ACKR2: variants seen among roughly 807,000 people sequenced by gnomAD.
ACKR2 encodes the protein C-C chemokine receptor D6.
For missense variants in ACKR2, 457 were observed against 477.3 expected (o/e 0.96, Z 0.40); for synonymous variants, 207 against 192.2 (o/e 1.08, Z -0.64).
At chr3:42,816,197 TG>T (rs1700747975) in intron 1 of ACKR2, among the ~76,000 whole-genome samples, 12 of 149,844 alleles carry the variant, frequency 8.0e-5, no homozygotes, top group Admixed American at 7.9e-4. Context: ...TTCGTGTGTG[TG>T]TGTGTGTGTG....
chr3:42,844,763 C>T (rs1452261111), intron 2 of ACKR2, among the ~76,000 whole-genome samples: 1 of 152,212 alleles, frequency 6.6e-6, no homozygotes, highest in Non-Finnish European at 1.5e-5. Flanking sequence ...TTGAGACCCC[C>T]ATTCTACAGG....
intron 2 of ACKR2, among the ~76,000 whole-genome samples, chr3:42,854,505 G>C (rs186280507): frequency 6.6e-6 from 1 of 152,096 alleles, no homozygotes; most frequent in Non-Finnish European, 1.5e-5. Context: ...GGAAGGGGTC[G>C]TCACTTCCAC....
intron 2 of ACKR2, chr3:42,851,237 A>G: frequency 2.8e-6 from 1 of 361,506 alleles, no homozygotes; most frequent in African/African-American, 2.2e-5. Context: ...GAAATAGCTC[A>G]TGGCTATGCA....
chr3:42,836,700 G>T (rs572851925), intron 2 of ACKR2, among the ~76,000 whole-genome samples: 3 of 152,172 alleles, frequency 2.0e-5, no homozygotes, highest in Admixed American at 6.5e-5. Flanking sequence ...AAAGCCCTGC[G>T]ACAGTTTTAG....
At chr3:42,842,286 C>T (rs1701046842) in intron 2 of ACKR2, among the ~76,000 whole-genome samples, 1 of 152,048 alleles carries the variant, frequency 6.6e-6, no homozygotes, top group South Asian at 2.1e-4. Flanking sequence ...TATTTGTTTG[C>T]CTTGGGAAAT....
At chr3:42,857,392 A>G (rs2088331975) in intron 2 of ACKR2, among the ~76,000 whole-genome samples, 1 of 152,050 alleles carries the variant, frequency 6.6e-6, no homozygotes, top group Non-Finnish European at 1.5e-5. Flanking sequence ...AGGAAAGAAG[A>G]AAGGGGCTGG....
chr3:42,824,630 A>G (rs4683338), intron 2 of ACKR2, among the ~76,000 whole-genome samples: 39,378 of 152,058 alleles, frequency 0.26, 6,312 homozygotes, highest in East Asian at 0.59. Context: ...ACATTGTATA[A>G]TGTTTTCAAG....
chr3:42,809,701 A>C (rs1261698828), intron 1 of ACKR2, among the ~76,000 whole-genome samples, 169 bp downstream of exon 1: 1 of 152,064 alleles, frequency 6.6e-6, no homozygotes, highest in Non-Finnish European at 1.5e-5. Flanking sequence ...ATCTCTACTA[A>C]AAATACAAAA....
chr3:42,809,501 G>A lies in ACKR2; in HGVS notation c.-150G>A, dbSNP rs1336596949. The A allele has an allele frequency of 6.6e-6, 1 of 152,176 alleles. No individual in the cohort carries two copies. The highest frequency in any genetic ancestry group is 1.9e-4 in the East Asian group (1 of 5,198). 9.4% of individuals were successfully genotyped at this position (152,176 alleles called of 1,614,324 possible). A position where few individuals can be genotyped will look rare whatever the true frequency, so the allele number is the denominator to read the frequency against. ...ACAGTACGGGATCCTTTCTGGAATG[G>A]AGGTCTTATGAGCTGCTATTGAACA... is the stretch of plus-strand genomic sequence containing the variant. On this transcript the variant is annotated 5_prime_UTR_variant, in exon 1 of 3. Coordinates refer to ENST00000422265, the MANE Select transcript of ACKR2 (RefSeq NM_001296.5).
chr3:42,816,513 G>T (rs1459347521), intron 1 of ACKR2, among the ~76,000 whole-genome samples: 6 of 151,518 alleles, frequency 4.0e-5, no homozygotes, highest in African/African-American at 9.7e-5. Flanking sequence ...TGACTTTTCC[G>T]CTGAGGAAAC....
At chr3:42,843,596 A>G (rs1193354645) in intron 2 of ACKR2, among the ~76,000 whole-genome samples, 1 of 152,192 alleles carries the variant, frequency 6.6e-6, no homozygotes, top group African/African-American at 2.4e-5. Context: ...CCTGCTGTCT[A>G]GCAGGGTGGT....
intron 2 of ACKR2, among the ~76,000 whole-genome samples, chr3:42,861,422 T>C (rs2088383152): frequency 6.6e-6 from 1 of 152,186 alleles, no homozygotes; most frequent in African/African-American, 2.4e-5. Context: ...ACAGCTGAAT[T>C]CTATCACAGG....
chr3:42,846,121 A>G (rs1701092808), intron 2 of ACKR2, among the ~76,000 whole-genome samples: 1 of 152,012 alleles, frequency 6.6e-6, no homozygotes, highest in Admixed American at 6.5e-5. Context: ...AAATTAATAC[A>G]TGTAATGCAC....
chr3:42,832,675 C>A (rs1415098768), intron 2 of ACKR2, among the ~76,000 whole-genome samples: 2 of 152,028 alleles, frequency 1.3e-5, no homozygotes, highest in Non-Finnish European at 2.9e-5. Flanking sequence ...ACAGGTGAGC[C>A]ACCATATGAT....
At chr3:42,830,131 C>T (rs1206522569) in intron 2 of ACKR2, among the ~76,000 whole-genome samples, 1 of 152,154 alleles carries the variant, frequency 6.6e-6, no homozygotes, top group East Asian at 1.9e-4. Flanking sequence ...TCTTTCCTGC[C>T]TAACTGTCCC....
rs1415462815 is a variant in ACKR2, at chr3:42,829,526, T to G, written c.-38+9815T>G. Among the ~76,000 whole-genome samples the G allele has an allele frequency of 2.6e-5, 4 of 152,196 alleles. No individual in the cohort carries two copies. The East Asian group carries it at 7.7e-4, about 29-fold the overall frequency. On this transcript the variant is annotated intron_variant, in intron 2 of 2. Coordinates refer to ENST00000422265, the MANE Select transcript of ACKR2 (RefSeq NM_001296.5). ...GGAGATCAGGCCATGAGCTCTTGGC[T>G]CTGCTGCTCATTCTTGTCACCTTTC... is the stretch of plus-strand genomic sequence containing the variant.
rs1331102109 is a variant in ACKR2, at chr3:42,852,363, T to C, written c.-37-12103T>C. On this transcript the variant is annotated intron_variant, in intron 2 of 2. Transcript: ENST00000422265. This position sits in a 1 kb window ranked among gnomAD's most constrained non-coding sequence, Gnocchi z 4.3. ...ATCAAAAAACATTCTGGGAAAGACA[T>C]GAAAGTCTCACCTTCTGCAGCAGCA... is the stretch of plus-strand genomic sequence containing the variant. The C allele has an allele frequency of 6.6e-6, 1 of 152,184 alleles. No homozygotes were observed. Among genetic ancestry groups the C allele is most frequent in the Non-Finnish European group, 1.5e-5 (1 of 68,042 alleles). 9.4% of individuals were successfully genotyped at this position (152,184 alleles called of 1,614,324 possible). A position where few individuals can be genotyped will look rare whatever the true frequency, so the allele number is the denominator to read the frequency against.
At chr3:42,815,172 A>C (rs1700737030) in intron 1 of ACKR2, among the ~76,000 whole-genome samples, 1 of 152,180 alleles carries the variant, frequency 6.6e-6, no homozygotes, top group Admixed American at 6.6e-5. Flanking sequence ...AGGGCATTTG[A>C]GGTTATTGGA....
intron 2 of ACKR2, among the ~76,000 whole-genome samples, chr3:42,848,358 C>T (rs1701119785): frequency 6.6e-6 from 1 of 151,444 alleles, no homozygotes; most frequent in South Asian, 2.1e-4. Context: ...GCTAAGACTA[C>T]AGATGCATGC....
Sources: allele counts gnomAD v4.1 joint callset (sites outside exome capture counted in the v4.1 genomes callset), GRCh38; gene constraint gnomAD v4.1.1; non-coding constraint Gnocchi (gnomAD v3.1); transcripts MANE v1.5; gene names NCBI Gene and HGNC (gene_info 2026-07-23, HGNC 2026-07-21).